Variants in MYO5B observed in about 807,000 individuals in gnomAD.
The protein encoded by MYO5B is myosin VB.
MYO5B carries 143 observed loss-of-function variants against 229.3 expected under a neutral mutation model. The ratio of observed to expected loss-of-function variants is 0.62; its 90% CI spans 0.54 to 0.72. MYO5B has a LOEUF of 0.72. MYO5B is among the 30% of genes least tolerant of loss of function. The probability of loss-of-function intolerance (pLI) is 0.00; values close to 1 mark genes in which losing one functional copy is unlikely to be tolerated. For missense variants in MYO5B, 2,321 were observed against 2,331.0 expected (o/e 1.00, Z 0.09); for synonymous variants, 918 against 885.2 (o/e 1.04, Z -0.66).
chr18:49,876,782 G>A (rs1373380025), intron 25 of MYO5B, among the ~76,000 whole-genome samples: 1 of 152,242 alleles, frequency 6.6e-6, no homozygotes, highest in African/African-American at 2.4e-5. Context: ...GCGTCTGGCA[G>A]GCAGCAAGCC....
chr18:49,882,571 C>T (rs1208888284), intron 22 of MYO5B, among the ~76,000 whole-genome samples: 12 of 132,620 alleles, frequency 9.0e-5, no homozygotes, highest in African/African-American at 3.5e-4. Context: ...GAGGTTGCAG[C>T]GAGCTGAGAT....
At chr18:49,980,324 C>A (rs111537328) in intron 9 of MYO5B, 120 bp downstream of exon 9, 22 of 796,080 alleles carry the variant, frequency 2.8e-5, no homozygotes, top group Middle Eastern at 2.2e-4. Context: ...GAACAGAAAC[C>A]ATTACTGTTA....
At chr18:50,071,452 G>A (rs1047004550) in intron 1 of MYO5B, among the ~76,000 whole-genome samples, 9 of 152,136 alleles carry the variant, frequency 5.9e-5, no homozygotes, top group African/African-American at 1.4e-4. Flanking sequence ...ATGGACGGAC[G>A]CGTGCACACA....
intron 5 of MYO5B, among the ~76,000 whole-genome samples, chr18:49,993,739 C>T (rs534613011): frequency 7.2e-5 from 11 of 152,282 alleles, no homozygotes; most frequent in Admixed American, 4.6e-4. Context: ...TCAATGGGCT[C>T]TCAATGGTCT....
chr18:49,987,233 C>G (rs1452725968), intron 7 of MYO5B, among the ~76,000 whole-genome samples: 1 of 152,126 alleles, frequency 6.6e-6, no homozygotes, highest in Non-Finnish European at 1.5e-5. Context: ...CTGCAGGGGC[C>G]ACCTGGGTCA....
At chr18:49,951,843 C>G (rs905684110) in intron 14 of MYO5B, among the ~76,000 whole-genome samples, 1 of 152,180 alleles carries the variant, frequency 6.6e-6, no homozygotes, top group East Asian at 1.9e-4. Flanking sequence ...ACACTTCCAT[C>G]TACTCTCTTT....
At chr18:49,860,219 T>C (rs1322324206) in intron 29 of MYO5B, among the ~76,000 whole-genome samples, 5 of 152,142 alleles carry the variant, frequency 3.3e-5, no homozygotes, top group Non-Finnish European at 7.4e-5. Context: ...ACCAGAGCCC[T>C]GGCCACACTC....
At chr18:49,977,832 T>G (rs1166015770) in intron 9 of MYO5B, among the ~76,000 whole-genome samples, 1 of 152,218 alleles carries the variant, frequency 6.6e-6, no homozygotes, top group African/African-American at 2.4e-5. Flanking sequence ...AGCTCTGTGC[T>G]AAAACCTTTC....
intron 21 of MYO5B, among the ~76,000 whole-genome samples, chr18:49,899,443 C>T (rs1348460100): frequency 1.3e-5 from 2 of 152,182 alleles, no homozygotes; most frequent in Non-Finnish European, 2.9e-5. Context: ...AAGGACAATG[C>T]TATCTGTATG....
At chr18:50,144,803 T>C (rs1341747122) in intron 1 of MYO5B, among the ~76,000 whole-genome samples, 2 of 152,192 alleles carry the variant, frequency 1.3e-5, no homozygotes, top group African/African-American at 2.4e-5. Flanking sequence ...CTAATAGGTA[T>C]ACACAGTTCA....
At chr18:50,063,601 C>T (rs1355821063) in intron 1 of MYO5B, among the ~76,000 whole-genome samples, 3 of 152,168 alleles carry the variant, frequency 2.0e-5, no homozygotes, top group African/African-American at 4.8e-5. Flanking sequence ...AAGAAAGAGT[C>T]GCTCTGATGC....
chr18:49,887,615 T>C (rs1251896824), intron 22 of MYO5B, among the ~76,000 whole-genome samples: 1 of 152,156 alleles, frequency 6.6e-6, no homozygotes, highest in Non-Finnish European at 1.5e-5. Context: ...AGCACTACAC[T>C]TCCTGTACAG....
intron 18 of MYO5B, among the ~76,000 whole-genome samples, chr18:49,910,271 C>T (rs1416621842): frequency 2.0e-5 from 3 of 152,112 alleles, no homozygotes; most frequent in African/African-American, 7.2e-5. Flanking sequence ...TCCGGGTCCC[C>T]TCCAGAGTTC....
intron 1 of MYO5B, among the ~76,000 whole-genome samples, chr18:50,058,969 A>G (rs191692202): frequency 2.0e-5 from 3 of 152,236 alleles, no homozygotes; most frequent in African/African-American, 4.8e-5. Context: ...CTCCTCACTG[A>G]TCACTTCCTT....
At chr18:49,916,226 G>A (rs1247054941) in intron 17 of MYO5B, among the ~76,000 whole-genome samples, 1 of 152,226 alleles carries the variant, frequency 6.6e-6, no homozygotes, top group Non-Finnish European at 1.5e-5. Context: ...CTTCTAATTT[G>A]AAAACCTCTT....
rs539329762 is a variant in MYO5B, at chr18:49,927,397, A to C, written c.2090+2115T>G. The stretch of plus-strand genomic sequence containing the variant: ...ATCCTAAAATCATATGGAACCAAAA[A>C]AGAGCCTGCATTGCCAAAGCAAGAC... On this transcript the variant is annotated intron_variant, in intron 17 of 39. Transcript: ENST00000285039. Among the ~76,000 whole-genome samples the C allele has an allele frequency of 2.6e-5, 4 of 152,276 alleles. No homozygotes were observed. The South Asian group carries it at 8.3e-4, about 32-fold the overall frequency.
At chr18:50,028,430 C>G (rs964288082) in intron 4 of MYO5B, among the ~76,000 whole-genome samples, 6 of 152,202 alleles carry the variant, frequency 3.9e-5, no homozygotes, top group African/African-American at 1.2e-4. Context: ...CAGATGACAT[C>G]TCAGGGTGGC....
At chr18:50,088,239 G>A (rs988208119) in intron 1 of MYO5B, among the ~76,000 whole-genome samples, 1 of 152,166 alleles carries the variant, frequency 6.6e-6, no homozygotes, top group East Asian at 1.9e-4. Context: ...CACCCTGCTT[G>A]CAGAGAGGAC....
At chr18:50,062,942 C>G (rs1404879329) in intron 1 of MYO5B, among the ~76,000 whole-genome samples, 1 of 152,128 alleles carries the variant, frequency 6.6e-6, no homozygotes, top group Non-Finnish European at 1.5e-5. Context: ...ATTTCATCAT[C>G]TGGTGGAAAT....
Sources: allele counts gnomAD v4.1 joint callset (sites outside exome capture counted in the v4.1 genomes callset), GRCh38; gene constraint gnomAD v4.1.1; transcripts MANE v1.5; gene names NCBI Gene and HGNC (gene_info 2026-07-23, HGNC 2026-07-21).